Variants in PI4K2A observed in about 807,000 individuals in gnomAD.
The protein encoded by PI4K2A is phosphatidylinositol 4-kinase type 2-alpha.
A neutral mutation model predicts 55.0 loss-of-function variants in PI4K2A; 20 were observed. That is an observed-to-expected ratio of 0.36 (90% confidence interval 0.26 to 0.53). PI4K2A has a LOEUF of 0.53. Ranked by LOEUF, PI4K2A falls within the 20% of genes least tolerant of loss-of-function variation. The pLI, the probability that PI4K2A is intolerant of heterozygous loss-of-function variation, is 0.91. For synonymous variants in PI4K2A, 235 were observed against 258.5 expected (o/e 0.91, Z 0.87); for missense variants, 463 against 637.1 (o/e 0.73, Z 2.94).
intron 4 of PI4K2A, among the ~76,000 whole-genome samples, chr10:97,662,086 C>T (rs535532650): frequency 5.1e-4 from 77 of 152,152 alleles, no homozygotes; most frequent in African/African-American, 1.7e-3. Flanking sequence ...AACTCCTGGC[C>T]TCAAGTGATT....
chr10:97,666,695 C>G (rs1016043775), intron 7 of PI4K2A, 124 bp downstream of exon 7: 4 of 795,800 alleles, frequency 5.0e-6, no homozygotes, highest in Non-Finnish European at 2.0e-6. Context: ...AGTTAGCCAA[C>G]GAATAGCAAG....
rs116710853 is a variant in PI4K2A at position 97,665,132 on chromosome 10, A to G, written c.1084+148A>G. 1,985 of 564,602 alleles carry G rather than the reference A, an allele frequency of 3.5e-3. 28 individuals are homozygous for G. The highest frequency in any genetic ancestry group is 0.034 in the African/African-American group (1,803 of 52,562). 35.0% of individuals were successfully genotyped at this position (564,602 alleles called of 1,614,324 possible). ...CAGGCACTTTAACACAATGGCTGGC[A>G]TATGGCAACTATTTCATAATGTAAG... On this transcript the variant is annotated intron_variant, in intron 6 of 8. Coordinates refer to ENST00000370631, the Ensembl canonical transcript of PI4K2A.
At chr10:97,649,936 T>C (rs2041522791) in intron 1 of PI4K2A, among the ~76,000 whole-genome samples, 1 of 152,160 alleles carries the variant, frequency 6.6e-6, no homozygotes, top group Non-Finnish European at 1.5e-5. Context: ...TAATACCTTC[T>C]TTACTTCCTT....
At chr10:97,653,220 A>G (rs1052692761) in intron 2 of PI4K2A, among the ~76,000 whole-genome samples, 1 of 152,214 alleles carries the variant, frequency 6.6e-6, no homozygotes, top group African/African-American at 2.4e-5. Context: ...CTCTATGCCT[A>G]CCTGCTCTGT....
exon 9 of PI4K2A, chr10:97,676,165 AT>A (rs1450851945): frequency 4.6e-5 from 7 of 152,118 alleles, no homozygotes; most frequent in African/African-American, 7.2e-5. Context: ...TCCTGGGGCT[AT>A]TTCTCCCTAA....
At chr10:97,640,728 C>G in exon 1 of PI4K2A, 1 of 1,474,192 alleles carries the variant, frequency 6.8e-7, no homozygotes, top group South Asian at 1.3e-5. Flanking sequence ...GGTCCCGGAG[C>G]CGGCTGTCTG....
intron 1 of PI4K2A, among the ~76,000 whole-genome samples, chr10:97,645,731 A>T (rs1180008911): frequency 2.0e-5 from 3 of 150,618 alleles, no homozygotes; most frequent in Non-Finnish European, 3.0e-5. Context: ...TTATATATAT[A>T]TTTTTGAGAC....
intron 5 of PI4K2A, among the ~76,000 whole-genome samples, chr10:97,663,594 G>C (rs2041596751): frequency 6.6e-6 from 1 of 151,150 alleles, no homozygotes; most frequent in Admixed American, 6.6e-5. Flanking sequence ...GGGAGGCCGA[G>C]GTGGGAGGAT....
intron 8 of PI4K2A, among the ~76,000 whole-genome samples, chr10:97,671,194 C>A (rs2041633417): frequency 6.6e-6 from 1 of 152,066 alleles, no homozygotes; most frequent in Non-Finnish European, 1.5e-5. Context: ...TTTGTACTCT[C>A]CTACCAGAGA....
chr10:97,663,939 C>G (rs563725456), intron 5 of PI4K2A, among the ~76,000 whole-genome samples: 2 of 152,026 alleles, frequency 1.3e-5, no homozygotes, highest in Admixed American at 1.3e-4. Flanking sequence ...AAGCAGTCCT[C>G]TCACCTCAGC....
At chr10:97,657,489 G>A (rs2041560466) in intron 4 of PI4K2A, among the ~76,000 whole-genome samples, 1 of 151,960 alleles carries the variant, frequency 6.6e-6, no homozygotes, top group Non-Finnish European at 1.5e-5. Context: ...ACAACATGGT[G>A]AAACCCTGTC....
chr10:97,664,277 C>T (rs960715097), intron 5 of PI4K2A, among the ~76,000 whole-genome samples: 7 of 152,214 alleles, frequency 4.6e-5, no homozygotes, highest in Non-Finnish European at 8.8e-5. Flanking sequence ...GAACCTGAAG[C>T]ATGGAGCCAC....
chr10:97,650,975 A>G, exon 2 of PI4K2A: 2 of 1,613,938 alleles, frequency 1.2e-6, no homozygotes, highest in East Asian at 2.2e-5. Context: ...AAGAATGAAG[A>G]GCCCTATGGG....
At chr10:97,659,404 T>A (rs1279949801) in intron 4 of PI4K2A, among the ~76,000 whole-genome samples, 5 of 152,134 alleles carry the variant, frequency 3.3e-5, no homozygotes, top group African/African-American at 1.2e-4. Context: ...TAGTAGTTAT[T>A]TTTTTGTGTG....
chr10:97,648,478 G>T (rs1356264401), intron 1 of PI4K2A, among the ~76,000 whole-genome samples: 1 of 152,186 alleles, frequency 6.6e-6, no homozygotes, highest in Admixed American at 6.5e-5. Context: ...CTCTGAAAGT[G>T]CTGGGCTTAT....
At chr10:97,650,856 T>A (rs1216673836) in intron 1 of PI4K2A, 85 bp from the exon 2 acceptor site, 1 of 1,017,434 alleles carries the variant, frequency 9.8e-7, no homozygotes, top group Non-Finnish European at 1.5e-6. Context: ...GCCCTGTCAT[T>A]TCTTTCCAGA....
chr10:97,640,719 G>C, exon 1 of PI4K2A: 3 of 1,452,482 alleles, frequency 2.1e-6, no homozygotes, highest in Non-Finnish European at 1.8e-6. Flanking sequence ...AGCGCGCCGG[G>C]TCCCGGAGCC....
chr10:97,640,995 G>C (rs1293499416), exon 1 of PI4K2A: 1 of 1,542,166 alleles, frequency 6.5e-7, no homozygotes, highest in Non-Finnish European at 8.7e-7. Flanking sequence ...CCAGGCTCTG[G>C]CCGCTCAGGC....
chr10:97,671,710 C>G (rs1273933028), intron 8 of PI4K2A, among the ~76,000 whole-genome samples: 57 of 152,038 alleles, frequency 3.7e-4, no homozygotes, highest in Non-Finnish European at 7.8e-4. Flanking sequence ...CACAATCTCA[C>G]CTCACTGAAA....
Sources: allele counts gnomAD v4.1 joint callset (sites outside exome capture counted in the v4.1 genomes callset), GRCh38; gene constraint gnomAD v4.1.1; transcripts MANE v1.5; gene names NCBI Gene and HGNC (gene_info 2026-07-23, HGNC 2026-07-21).